The following PHYKPL variants were observed in gnomAD, a reference collection of about 807,000 sequenced individuals.
PHYKPL encodes 5-phosphonooxy-L-lysine phospho-lyase.
Under a neutral mutation model 51.3 loss-of-function variants are expected in PHYKPL, and 42 were observed. The observed-to-expected ratio is 0.82, with a 90% CI of 0.64 to 1.06. PHYKPL has a LOEUF of 1.06. Ranked by LOEUF, PHYKPL falls within the 50% of genes least tolerant of loss-of-function variation. The pLI, the probability that PHYKPL is intolerant of heterozygous loss-of-function variation, is 0.00. For synonymous variants in PHYKPL, 264 were observed against 236.0 expected (o/e 1.12, Z -1.09); for missense variants, 655 against 586.6 (o/e 1.12, Z -1.20).
Position 178,231,961 on chromosome 5 carries a change from G to A in PHYKPL, c.60-438C>T, listed in dbSNP as rs1006962344. Reference sequence around the variant, plus strand: ...CCACGTGGCCCTGCTGCCCCTCGCTGGGTGCCAGCCCTAAGCTCCAGTGGG... The same window carrying A: ...CCACGTGGCCCTGCTGCCCCTCGCTAGGTGCCAGCCCTAAGCTCCAGTGGG... On this transcript the variant is annotated intron_variant, in intron 1 of 12. Transcript: ENST00000308158. 1.4e-5 allele frequency: 17 copies of A among 1,239,756 alleles called. No individual in the cohort carries two copies. In the African/African-American group the frequency reaches 2.6e-4, roughly 19 times the overall value. 76.8% of individuals were successfully genotyped at this position (1,239,756 alleles called of 1,614,324 possible). A position where few individuals can be genotyped will look rare whatever the true frequency, so the allele number is the denominator to read the frequency against.
chr5:178,210,912 C>G (rs1366485754), intron 12 of PHYKPL: 10 of 468,654 alleles, frequency 2.1e-5, no homozygotes, highest in African/African-American at 1.8e-4. Flanking sequence ...CGCTCTGCAG[C>G]CTGGACCTGT....
At chr5:178,225,103 A>G in intron 4 of PHYKPL, 1 of 580,106 alleles carries the variant, frequency 1.7e-6, no homozygotes, top group Non-Finnish European at 3.1e-6. Context: ...GAACATGTAC[A>G]ATGTTGTGGG....
chr5:178,211,933 C>CTG lies in PHYKPL; in HGVS notation c.1340_1341insCA (p.Arg447SerfsTer32). On this transcript the variant is annotated frameshift_variant, in exon 12 of 13. Transcript: ENST00000308158. LOFTEE classifies it high-confidence loss of function. ...GAGCAGGGCTGGCTTAGGGCTGGAG[C>CTG]CTCAGCGTTTCACAACTTCTCACCT... 1 of 1,614,198 alleles carries CTG rather than the reference C, an allele frequency of 6.2e-7. No individual in the cohort carries two copies. Among genetic ancestry groups the CTG allele is most frequent in the East Asian group, 2.2e-5 (1 of 44,890 alleles).
In PHYKPL at chr5:178,209,320, T is replaced by C. The variant is rs1290634044; in HGVS notation, c.*32-405A>G. On this transcript the variant is annotated intron_variant, in intron 12 of 12. Coordinates refer to ENST00000308158, the MANE Select transcript of PHYKPL (RefSeq NM_153373.4). ...CCTACTGGCCTGACCACTGTCCTCT[T>C]GACTTTTAGTGTGAGATCAAGGTGG... 3 of 1,613,146 alleles carry C rather than the reference T, an allele frequency of 1.9e-6. No homozygotes were observed. The Admixed American group carries it at 5.0e-5, about 27-fold the overall frequency.
Position 178,225,321 on chromosome 5 carries a change from T to C in PHYKPL, c.413+34A>G, listed in dbSNP as rs761733290. ...TCACCAAGAAGCCTGTGGGCCAGGCTTCTGGGAACGGTAGGGCTGTGAGTT... is the reference window on the plus strand; with the variant it reads ...TCACCAAGAAGCCTGTGGGCCAGGCCTCTGGGAACGGTAGGGCTGTGAGTT... On this transcript the variant is annotated intron_variant, in intron 4 of 12. Transcript: ENST00000308158. 3.1e-6 allele frequency: 5 copies of C among 1,613,082 alleles called. No individual in the cohort carries two copies. In the East Asian group the frequency reaches 6.7e-5, roughly 22 times the overall value.
Position 178,231,484 on chromosome 5 carries a change from C to G in PHYKPL, c.99G>C (p.Lys33Asn). The change falls in exon 2 of 13, where the codon AAG becomes AAC. Residue 33 changes from lysine to asparagine, a missense_variant. Transcript: ENST00000308158. Reference protein sequence around the residue: ...CRLFFPEDPVKIVRAQGQYMY... With the variant: ...CRLFFPEDPVNIVRAQGQYMY... ...TGTACTGCCCTTGGGCCCGGACAAT[C>G]TTAACAGGATCCTCGGGAAAAAAGA... is the stretch of plus-strand genomic sequence containing the variant. 6.2e-7 allele frequency: 1 copy of G among 1,614,170 alleles called. No individual in the cohort carries two copies. The highest frequency in any genetic ancestry group is 8.5e-7 in the Non-Finnish European group (1 of 1,180,034).
intron 2 of PHYKPL, chr5:178,230,443 C>T: frequency 4.7e-6 from 1 of 213,256 alleles, no homozygotes; most frequent in South Asian, 7.9e-5. Flanking sequence ...TGCATCCTCA[C>T]ACTCCTGGGC....
At position 178,225,405 on chromosome 5, in the gene PHYKPL, C is replaced by T; in HGVS notation, c.363G>A (p.Leu121=). ...GTCCCGTGTAGTGGCGAGCCAGCCT[C>T]AGGGCCAGGTCATTGGCTTCTGACC... The part of the protein sequence containing the change: ...NSGSEANDLA[L]RLARHYTGHQ... The change falls in exon 4 of 13, where the codon CTG becomes CTA. Residue 121 remains leucine (L), a synonymous_variant. Transcript: ENST00000308158. 3.7e-6 allele frequency: 6 copies of T among 1,614,002 alleles called. No individual in the cohort carries two copies. Among genetic ancestry groups the T allele is most frequent in the Non-Finnish European group, 4.2e-6 (5 of 1,180,044 alleles).
rs779542059 is a variant in PHYKPL, at chr5:178,225,356, G to A, written c.412C>T (p.His138Tyr). Residue 138 changes from histidine to tyrosine, a missense_variant and splice_region_variant, in exon 4 of 13, where the codon CAT becomes TAT. By Grantham distance (83) the His-to-Tyr change is moderately conservative. Coordinates refer to ENST00000308158, the MANE Select transcript of PHYKPL (RefSeq NM_153373.4). ...GGTAGGGCTGTGAGTTGCACTTACTGATCTAATACCACCACGTCCTGGTGT... is the reference window on the plus strand; with the variant it reads ...GGTAGGGCTGTGAGTTGCACTTACTAATCTAATACCACCACGTCCTGGTGT... ...TGHQDVVVLDHAYHGHLSSLI... is the reference protein window; with the variant it reads ...TGHQDVVVLDYAYHGHLSSLI... The A allele has an allele frequency of 1.6e-5, 26 of 1,614,032 alleles. No homozygotes were observed. Among genetic ancestry groups the A allele is most frequent in the Non-Finnish European group, 2.2e-5 (26 of 1,180,044 alleles).
intron 6 of PHYKPL, among the ~76,000 whole-genome samples, chr5:178,224,138 T>G (rs932814326): frequency 2.0e-5 from 3 of 152,146 alleles, no homozygotes; most frequent in African/African-American, 7.2e-5. Context: ...AGCCACCCAG[T>G]GGGATGCCCT....
chr5:178,219,658 G>C (rs1317300828), intron 8 of PHYKPL, among the ~76,000 whole-genome samples: 1 of 151,896 alleles, frequency 6.6e-6, no homozygotes, highest in African/African-American at 2.4e-5. Context: ...CACCGTGTTA[G>C]CCAGGATGGT....
intron 1 of PHYKPL, 99 bp downstream of exon 1, chr5:178,232,393 C>G: frequency 7.5e-7 from 1 of 1,325,554 alleles, no homozygotes; most frequent in Non-Finnish European, 9.6e-7. Context: ...GGCTTCCTAG[C>G]CGGAGGCGCG....
intron 12 of PHYKPL, chr5:178,210,187 C>G (rs1343006056): frequency 6.2e-7 from 1 of 1,613,118 alleles, no homozygotes. Context: ...AGGGCTACGG[C>G]TACCAGCAGG....
At position 178,232,095 on chromosome 5, in the gene PHYKPL, G is replaced by A. The variant is rs1413554479; in HGVS notation, c.59+397C>T. 5 of 1,193,122 alleles carry A rather than the reference G, an allele frequency of 4.2e-6. No homozygotes were observed. The South Asian group carries it at 4.9e-5, about 12-fold the overall frequency. The allele number at this position is 1,193,122 out of a possible 1,614,324, so 73.9% of individuals were successfully genotyped here. A position where few individuals can be genotyped will look rare whatever the true frequency, so the allele number is the denominator to read the frequency against. On this transcript the variant is annotated intron_variant, in intron 1 of 12. Coordinates refer to ENST00000308158, the MANE Select transcript of PHYKPL (RefSeq NM_153373.4). ...TGTCTGCCCTTTCAGCCCCCTCCCA[G>A]GTCACTCTCGAGCCAGGCCCAGGTG...
At chr5:178,209,362 C>CT in intron 12 of PHYKPL, 3 of 1,614,114 alleles carry the variant, frequency 1.9e-6, no homozygotes, top group South Asian at 1.1e-5. Context: ...CCAAAGAAGT[C>CT]TATCAGCAGC....
chr5:178,232,637 C>A lies in PHYKPL; in HGVS notation c.-87G>T. 2 of 1,215,606 alleles carry A rather than the reference C, an allele frequency of 1.6e-6. No individual in the cohort carries two copies. Among genetic ancestry groups the A allele is most frequent in the Non-Finnish European group, 2.1e-6 (2 of 973,180 alleles). 75.3% of individuals were successfully genotyped at this position (1,215,606 alleles called of 1,614,324 possible). A position where few individuals can be genotyped will look rare whatever the true frequency, so the allele number is the denominator to read the frequency against. ...CTCCAAGGCCCCGCTCCGGGCCCCG[C>A]CCCTGCCTGGGTCGGGATTTGGGGC... On this transcript the variant is annotated 5_prime_UTR_variant, in exon 1 of 13. Coordinates refer to ENST00000308158, the MANE Select transcript of PHYKPL (RefSeq NM_153373.4).
At chr5:178,228,322 G>A (rs565020473) in intron 3 of PHYKPL, 188 of 562,292 alleles carry the variant, frequency 3.3e-4, no homozygotes, top group Non-Finnish European at 4.2e-4. Flanking sequence ...CACAGTGCCC[G>A]GGAAGCAAGA....
rs192706265 is a variant in PHYKPL at position 178,229,090 on chromosome 5, T to C, written c.338+850A>G. Among the ~76,000 whole-genome samples the C allele has an allele frequency of 9.5e-5, 14 of 147,238 alleles. No homozygotes were observed. The East Asian group carries it at 2.8e-3, about 29-fold the overall frequency. The stretch of plus-strand genomic sequence containing the variant: ...GTGTGGTGACCAACCTTGACAAGAG[T>C]TTTGATGAGACTATTTTTTTTTTTT... On this transcript the variant is annotated intron_variant, in intron 3 of 12. Transcript: ENST00000308158.
At position 178,229,955 on chromosome 5, in the gene PHYKPL, T is replaced by G. The variant is rs140650484; in HGVS notation, c.323A>C (p.Tyr108Ser). ...GTCCACTTACCCAGAATTCAGGAAA[T>G]AGAACACACAGAGCTGCTCCGGCAG... ...ETLPEQLCVF[Y>S]FLNSGSEAND... The change falls in exon 3 of 13, where the codon TAT becomes TCT. Residue 108 changes from tyrosine (Y) to serine (S), a missense_variant. Tyr to Ser is a moderately radical substitution (Grantham distance 144, BLOSUM62 -2). Coordinates refer to ENST00000308158, the MANE Select transcript of PHYKPL (RefSeq NM_153373.4). The G allele has an allele frequency of 1.9e-6, 3 of 1,613,788 alleles. No individual in the cohort carries two copies. In the Admixed American group the frequency reaches 5.0e-5, roughly 27 times the overall value.
Sources: gnomAD v4.1 joint callset for allele counts (sites outside exome capture counted in the v4.1 genomes callset) on GRCh38, gnomAD v4.1.1 for gene constraint, MANE v1.5 for transcripts, NCBI Gene and HGNC (gene_info 2026-07-23, HGNC 2026-07-21) for gene names.